The following TOX variants were observed in gnomAD, a reference collection of about 807,000 sequenced individuals.
The protein encoded by TOX is thymocyte selection associated high mobility group box.
A neutral mutation model predicts 53.7 loss-of-function variants in TOX; 11 were observed. The ratio of observed to expected loss-of-function variants is 0.20; its 90% CI spans 0.13 to 0.34. The LOEUF is 0.34. TOX is among the 10% of genes least tolerant of loss of function. The pLI is 1.00. For synonymous variants in TOX, 225 were observed against 245.3 expected (o/e 0.92, Z 0.77); for missense variants, 570 against 664.6 (o/e 0.86, Z 1.56).
intron 3 of TOX, among the ~76,000 whole-genome samples, chr8:58,871,883 T>C (rs1056644669): frequency 2.0e-5 from 3 of 152,160 alleles, no homozygotes; most frequent in Non-Finnish European, 4.4e-5. Flanking sequence ...TCAGTATTCA[T>C]ACATATATCT....
At chr8:59,092,126 C>T (rs1804616951) in intron 1 of TOX, among the ~76,000 whole-genome samples, 1 of 150,106 alleles carries the variant, frequency 6.7e-6, no homozygotes, top group Non-Finnish European at 1.5e-5. Context: ...GTGGTGGGCA[C>T]CTGTAATCCC....
chr8:58,941,119 T>C (rs1228285591), intron 2 of TOX, among the ~76,000 whole-genome samples: 2 of 152,208 alleles, frequency 1.3e-5, no homozygotes, highest in Non-Finnish European at 2.9e-5. Context: ...ATGTATCCCA[T>C]GTGAAAAATA....
rs1385080649 is a variant in TOX at position 58,828,329 on chromosome 8, A to G, written c.925-1427T>C. On this transcript the variant is annotated intron_variant, in intron 5 of 8. Coordinates refer to ENST00000361421, the MANE Select transcript of TOX (RefSeq NM_014729.3). Reference sequence around the variant, plus strand: ...ATGAATGTGCTAATTTTTCTCCTAAAGTGGGGGGCTTCAGCCTTGACTTCT... The same window carrying G: ...ATGAATGTGCTAATTTTTCTCCTAAGGTGGGGGGCTTCAGCCTTGACTTCT... Among the ~76,000 whole-genome samples the G allele has an allele frequency of 2.0e-5, 3 of 150,944 alleles. No homozygotes were observed. The Admixed American group carries it at 2.0e-4, about 10-fold the overall frequency.
At chr8:59,056,431 GAAAAAA>G (rs397697554) in intron 1 of TOX, among the ~76,000 whole-genome samples, 5 of 56,296 alleles carry the variant, frequency 8.9e-5, no homozygotes, top group Non-Finnish European at 1.1e-4. Context: ...GGCCCTCTCC[GAAAAAA>G]AAAAAAAAAA....
intron 3 of TOX, among the ~76,000 whole-genome samples, chr8:58,859,275 T>G (rs1317794265): frequency 3.3e-5 from 5 of 152,182 alleles, no homozygotes; most frequent in African/African-American, 1.2e-4. Flanking sequence ...CTTGCTATAT[T>G]TTTAAAGATT....
At chr8:58,990,185 G>C (rs1039547371) in intron 1 of TOX, among the ~76,000 whole-genome samples, 1 of 152,204 alleles carries the variant, frequency 6.6e-6, no homozygotes, top group Non-Finnish European at 1.5e-5. Context: ...CTGAGGCACA[G>C]AGCAGGTAAA....
chr8:59,111,087 G>C (rs769338834), intron 1 of TOX, among the ~76,000 whole-genome samples: 1 of 152,162 alleles, frequency 6.6e-6, no homozygotes, highest in Non-Finnish European at 1.5e-5. Context: ...AAAGGTTTTA[G>C]TGTCAGAACT....
intron 2 of TOX, among the ~76,000 whole-genome samples, chr8:58,947,476 G>C (rs374249524): frequency 6.6e-6 from 1 of 152,108 alleles, no homozygotes; most frequent in African/African-American, 2.4e-5. Context: ...ATTTGGTAAA[G>C]TATAATTTTA....
chr8:58,979,538 C>G (rs4738742), intron 1 of TOX, among the ~76,000 whole-genome samples: 1 of 152,054 alleles, frequency 6.6e-6, no homozygotes, highest in South Asian at 2.1e-4. Context: ...TAAAATTATT[C>G]GTAATTTTTC....
chr8:59,066,779 G>A (rs1213328266), intron 1 of TOX, among the ~76,000 whole-genome samples: 1 of 152,226 alleles, frequency 6.6e-6, no homozygotes, highest in Non-Finnish European at 1.5e-5. Flanking sequence ...TTCTCCCCAA[G>A]AGTCTAATTT....
intron 1 of TOX, among the ~76,000 whole-genome samples, chr8:59,101,538 G>A (rs117849785): frequency 1.3e-5 from 2 of 152,204 alleles, no homozygotes; most frequent in South Asian, 2.1e-4. Context: ...CAGACACATA[G>A]TATTCATTCT....
At chr8:59,101,121 A>G (rs533560166) in intron 1 of TOX, among the ~76,000 whole-genome samples, 1 of 152,346 alleles carries the variant, frequency 6.6e-6, no homozygotes, top group Admixed American at 6.5e-5. Context: ...GTAAATGCAC[A>G]AGTGAATGCA....
chr8:59,062,786 G>A (rs1018234106), intron 1 of TOX, among the ~76,000 whole-genome samples: 1 of 151,996 alleles, frequency 6.6e-6, no homozygotes, highest in African/African-American at 2.4e-5. Context: ...GAGAGAGGGT[G>A]TGTGTGTGTG....
At chr8:59,032,483 G>A (rs114689968) in intron 1 of TOX, among the ~76,000 whole-genome samples, 100 of 152,210 alleles carry the variant, frequency 6.6e-4, no homozygotes, top group African/African-American at 2.3e-3. Context: ...AGGACACCCC[G>A]CAGTCTGGTG....
At chr8:58,901,635 G>A (rs1811736047) in intron 3 of TOX, among the ~76,000 whole-genome samples, 1 of 152,096 alleles carries the variant, frequency 6.6e-6, no homozygotes, top group Non-Finnish European at 1.5e-5. Flanking sequence ...GATTGAAATT[G>A]GACTTCTCTA....
chr8:58,856,173 A>G (rs929496820), intron 3 of TOX, among the ~76,000 whole-genome samples: 1 of 152,188 alleles, frequency 6.6e-6, no homozygotes, highest in Admixed American at 6.5e-5. Flanking sequence ...CAAACCCTAA[A>G]TGTACTTTAA....
At chr8:59,009,391 T>A (rs1219865702) in intron 1 of TOX, among the ~76,000 whole-genome samples, 1 of 151,724 alleles carries the variant, frequency 6.6e-6, no homozygotes, top group Non-Finnish European at 1.5e-5. Context: ...TTTCTTTTTT[T>A]TGACAGAGTC....
At chr8:58,896,139 CA>C (rs1410306108) in intron 3 of TOX, among the ~76,000 whole-genome samples, 1 of 152,074 alleles carries the variant, frequency 6.6e-6, no homozygotes, top group African/African-American at 2.4e-5. Flanking sequence ...TTGGCTATGT[CA>C]AAAAGTGGGA....
intron 1 of TOX, 48 bp from the exon 2 acceptor site, chr8:58,960,056 T>G (rs3780001): frequency 0.33 from 519,773 of 1,596,512 alleles, 88,364 homozygotes; most frequent in East Asian, 0.37. Context: ...ACTGCGGGTA[T>G]GTTTGGTTTT....
Sources: gnomAD v4.1 joint callset for allele counts (sites outside exome capture counted in the v4.1 genomes callset) on GRCh38, gnomAD v4.1.1 for gene constraint, MANE v1.5 for transcripts, NCBI Gene and HGNC (gene_info 2026-07-23, HGNC 2026-07-21) for gene names.